Variants in EHMT1 observed in about 807,000 individuals in gnomAD.
EHMT1 encodes the protein euchromatic histone lysine methyltransferase 1.
A neutral mutation model predicts 147.2 loss-of-function variants in EHMT1; 15 were observed. The ratio of observed to expected loss-of-function variants is 0.10; its 90% CI spans 0.07 to 0.16. The LOEUF (loss-of-function observed/expected upper bound fraction) is 0.16, where lower values mean the gene tolerates loss of function less well. Ranked by LOEUF, EHMT1 falls within the 10% of genes least tolerant of loss-of-function variation. The pLI is 1.00. For missense variants in EHMT1, 1,587 were observed against 1,772.4 expected (o/e 0.90, Z 1.88); for synonymous variants, 795 against 709.6 (o/e 1.12, Z -1.91).
intron 1 of EHMT1, chr9:137,646,477 T>G (rs1844892189): frequency 1.0e-6 from 1 of 979,476 alleles, no homozygotes. Context: ...AGTGCTCCCG[T>G]TTTGTGGGAG....
intron 8 of EHMT1, 40 bp from the exon 9 acceptor site, chr9:137,757,840 T>C: frequency 6.2e-7 from 1 of 1,612,340 alleles, no homozygotes; most frequent in Non-Finnish European, 8.5e-7. Flanking sequence ...TGCGGCCGCC[T>C]GGGTGCGTGG....
chr9:137,671,346 C>T (rs180872083), intron 1 of EHMT1, among the ~76,000 whole-genome samples: 1 of 151,998 alleles, frequency 6.6e-6, no homozygotes, highest in East Asian at 1.9e-4. Flanking sequence ...ATTAGCTTTA[C>T]AGTAAGAAAA....
In EHMT1 at chr9:137,672,146, C is replaced by T. The variant is rs553159372; in HGVS notation, c.22-38821C>T. On this transcript the variant is annotated intron_variant, in intron 1 of 26. Transcript: ENST00000460843. The stretch of plus-strand genomic sequence containing the variant: ...AGTGCCATAGAGGGCGTGCAGCAGG[C>T]GGTGTGAGCATCTGGCTCTGCTGAC... Among the ~76,000 whole-genome samples the T allele has an allele frequency of 4.6e-5, 7 of 152,320 alleles. No homozygotes were observed. The East Asian group carries it at 5.8e-4, about 13-fold the overall frequency.
intron 8 of EHMT1, among the ~76,000 whole-genome samples, chr9:137,757,545 CTG>C (rs1564703230): frequency 6.6e-6 from 1 of 152,298 alleles, no homozygotes; most frequent in East Asian, 1.9e-4. Context: ...ATGTTTTTAT[CTG>C]TTTCTTTGAT....
chr9:137,635,807 G>A (rs185768029), intron 1 of EHMT1, among the ~76,000 whole-genome samples: 361 of 151,718 alleles, frequency 2.4e-3, no homozygotes, highest in African/African-American at 8.0e-3. Flanking sequence ...GCGACAGAGC[G>A]AGACTGTCTC....
At chr9:137,661,791 T>C (rs1456989469) in intron 1 of EHMT1, among the ~76,000 whole-genome samples, 1 of 151,842 alleles carries the variant, frequency 6.6e-6, no homozygotes, top group Admixed American at 6.6e-5. Context: ...TCTACATCTT[T>C]AAAGAAATCT....
Position 137,811,575 on chromosome 9 carries a change from C to G in EHMT1, c.2827C>G (p.Leu943Val), listed in dbSNP as rs150913663. 3 of 1,606,216 alleles carry G rather than the reference C, an allele frequency of 1.9e-6. No individual in the cohort carries two copies. The highest frequency in any genetic ancestry group is 2.5e-6 in the Non-Finnish European group (3 of 1,179,998). Residue 943 changes from leucine to valine, a missense_variant, in exon 19 of 27, where the codon CTG (leucine) becomes GTG (valine). Leu to Val is a conservative substitution (Grantham distance 32). Transcript: ENST00000460843. ...HAVNIHGDSP[L>V]HIAARENRYD... ...CGTGAACATCCACGGAGACTCGCCA[C>G]TGCACATTGCCGCCCGGGAGAACCG... is the stretch of plus-strand genomic sequence containing the variant.
At chr9:137,739,154 A>G (rs1246470204) in intron 4 of EHMT1, among the ~76,000 whole-genome samples, 1 of 151,442 alleles carries the variant, frequency 6.6e-6, no homozygotes, top group African/African-American at 2.4e-5. Flanking sequence ...GGCAGATCAC[A>G]AGGTCAGGAG....
intron 16 of EHMT1, 93 bp downstream of exon 16, chr9:137,791,063 C>T (rs1952486042): frequency 1.2e-6 from 2 of 1,604,006 alleles, no homozygotes; most frequent in Admixed American, 1.7e-5. Flanking sequence ...ATCTCCAGGA[C>T]TTGGGGCCTT....
At chr9:137,832,053 T>C (rs1280489362) in intron 25 of EHMT1, among the ~76,000 whole-genome samples, 1 of 150,450 alleles carries the variant, frequency 6.6e-6, no homozygotes, top group Non-Finnish European at 1.5e-5. Flanking sequence ...TTGGCTGGGC[T>C]CCCTCCACAG....
chr9:137,636,185 G>T (rs1432528717), intron 1 of EHMT1, among the ~76,000 whole-genome samples: 1 of 152,128 alleles, frequency 6.6e-6, no homozygotes, highest in Admixed American at 6.5e-5. Context: ...CTCCCAGAGT[G>T]CTGGGATTAT....
intron 18 of EHMT1, among the ~76,000 whole-genome samples, chr9:137,804,970 TGTCA>T (rs1365605870): frequency 6.6e-6 from 1 of 150,984 alleles, no homozygotes; most frequent in African/African-American, 2.4e-5. Context: ...CGTCCATGTG[TGTCA>T]GTCATCTGCA....
chr9:137,654,130 C>T (rs556292480), intron 1 of EHMT1, among the ~76,000 whole-genome samples: 27 of 152,202 alleles, frequency 1.8e-4, no homozygotes, highest in African/African-American at 6.5e-4. Flanking sequence ...GCCTGTAATC[C>T]CAGCACTTTG....
chr9:137,822,803 G>A (rs1008198482), intron 25 of EHMT1, among the ~76,000 whole-genome samples: 2 of 151,128 alleles, frequency 1.3e-5, no homozygotes, highest in African/African-American at 4.9e-5. Flanking sequence ...TGAGGCAGGA[G>A]ACTTGCTTGA....
At chr9:137,663,818 C>G (rs533042544) in intron 1 of EHMT1, among the ~76,000 whole-genome samples, 1 of 152,130 alleles carries the variant, frequency 6.6e-6, no homozygotes, top group African/African-American at 2.4e-5. Context: ...GATCCTCTCA[C>G]CTGGAGAGAA....
intron 4 of EHMT1, among the ~76,000 whole-genome samples, chr9:137,742,046 G>C (rs938839745): frequency 1.4e-4 from 21 of 152,188 alleles, no homozygotes; most frequent in African/African-American, 5.1e-4. Flanking sequence ...AGTGTGGACA[G>C]ACAGAGCCAA....
intron 25 of EHMT1, among the ~76,000 whole-genome samples, chr9:137,833,662 C>G (rs1255838014): frequency 6.6e-6 from 1 of 152,264 alleles, no homozygotes; most frequent in African/African-American, 2.4e-5. Context: ...AGGCCAGTGC[C>G]AGGGGCCAGG....
chr9:137,646,394 C>G, intron 1 of EHMT1: 1 of 985,488 alleles, frequency 1.0e-6, no homozygotes, highest in Non-Finnish European at 1.2e-6. Context: ...CCTGTGACCA[C>G]GGGGAGAGGA....
intron 4 of EHMT1, among the ~76,000 whole-genome samples, chr9:137,737,086 T>TC (rs1031338914): frequency 4.7e-4 from 72 of 152,030 alleles, no homozygotes; most frequent in African/African-American, 1.6e-3. Flanking sequence ...TGCCTGTGGT[T>TC]CCAGCTACTC....
Sources: gnomAD v4.1 joint callset for allele counts (sites outside exome capture counted in the v4.1 genomes callset) on GRCh38, gnomAD v4.1.1 for gene constraint, MANE v1.5 for transcripts, NCBI Gene and HGNC (gene_info 2026-07-23, HGNC 2026-07-21) for gene names.